Variants in CAPN3 observed in about 807,000 individuals in gnomAD.
The protein encoded by CAPN3 is calpain-3.
CAPN3 carries 88 observed loss-of-function variants against 114.0 expected under a neutral mutation model. The observed-to-expected ratio is 0.77, with a 90% CI of 0.65 to 0.92. CAPN3 has a LOEUF of 0.92. CAPN3 is among the 40% of genes least tolerant of loss of function. The pLI is 0.00. For synonymous variants in CAPN3, 386 were observed against 382.9 expected (o/e 1.01, Z -0.09); for missense variants, 1,028 against 1,069.0 (o/e 0.96, Z 0.53).
At chr15:42,410,016 T>C (rs749667250) in intron 19 of CAPN3, 21 bp downstream of exon 19, 20 of 1,610,000 alleles carry the variant, frequency 1.2e-5, no homozygotes, top group Non-Finnish European at 1.2e-5. Context: ...TGCCGCCCCT[T>C]CCCGACCCTC....
chr15:42,368,640 T>G (rs1486281449), intron 1 of CAPN3, among the ~76,000 whole-genome samples: 1 of 152,262 alleles, frequency 6.6e-6, no homozygotes, highest in Non-Finnish European at 1.5e-5. Context: ...AATGGTTCAG[T>G]ATTTACTAAT....
At chr15:42,405,794 G>T in intron 14 of CAPN3, 132 bp from the exon 15 acceptor site, 1 of 701,370 alleles carries the variant, frequency 1.4e-6, no homozygotes, top group South Asian at 1.7e-5. Flanking sequence ...GGCTCCATGT[G>T]ATTCAGATTT....
intron 5 of CAPN3, among the ~76,000 whole-genome samples, chr15:42,389,703 T>C (rs1423961613): frequency 6.6e-6 from 1 of 152,196 alleles, no homozygotes; most frequent in African/African-American, 2.4e-5. Flanking sequence ...GGGCTGAAGC[T>C]GAATTCCTGC....
chr15:42,381,181 A>G (rs1042629750), intron 1 of CAPN3, among the ~76,000 whole-genome samples: 9 of 152,086 alleles, frequency 5.9e-5, no homozygotes, highest in African/African-American at 1.9e-4. Context: ...TAAAATCAAG[A>G]TTTTATTTTA....
chr15:42,403,847 G>T (rs2053944875), intron 14 of CAPN3, 70 bp downstream of exon 14: 2 of 1,372,354 alleles, frequency 1.5e-6, no homozygotes. Flanking sequence ...GGGGACAGAT[G>T]GTGCAGGGGA....
At chr15:42,403,297 A>T (rs913699275) in intron 13 of CAPN3, among the ~76,000 whole-genome samples, 1 of 152,246 alleles carries the variant, frequency 6.6e-6, no homozygotes, top group Non-Finnish European at 1.5e-5. Flanking sequence ...GATAGGAAAA[A>T]CATATGTAGC....
At chr15:42,360,162 T>A in intron 1 of CAPN3, 48 bp downstream of exon 1, 3 of 1,609,146 alleles carry the variant, frequency 1.9e-6, no homozygotes, top group Non-Finnish European at 2.5e-6. Context: ...CACGGAGGAG[T>A]CCTCTCACTC....
intron 2 of CAPN3, chr15:42,385,904 T>C: frequency 1.5e-6 from 1 of 684,486 alleles, no homozygotes; most frequent in Non-Finnish European, 2.7e-6. Context: ...GAGTTTATAC[T>C]GCAGTTGGAG....
At chr15:42,411,194 C>T in intron 22 of CAPN3, 93 bp from the exon 23 acceptor site, 1 of 1,120,380 alleles carries the variant, frequency 8.9e-7, no homozygotes, top group Non-Finnish European at 1.4e-6. Context: ...TGATGAGGGA[C>T]AGCACTGGGC....
At chr15:42,360,895 C>G (rs889918878) in intron 1 of CAPN3, among the ~76,000 whole-genome samples, 2 of 152,136 alleles carry the variant, frequency 1.3e-5, no homozygotes, top group Admixed American at 1.3e-4. Flanking sequence ...GTTCTTAATT[C>G]GAGAAATATT....
intron 9 of CAPN3, among the ~76,000 whole-genome samples, chr15:42,397,636 C>CT (rs1225669650): frequency 6.1e-5 from 9 of 146,408 alleles, no homozygotes; most frequent in Non-Finnish European, 1.2e-4. Context: ...AAGAGAGACT[C>CT]TGTCTTGGAA....
intron 2 of CAPN3, 100 bp downstream of exon 2, chr15:42,384,652 C>T (rs1266419109): frequency 5.5e-6 from 5 of 913,418 alleles, no homozygotes; most frequent in Non-Finnish European, 7.3e-6. Context: ...GTGCTTGCTT[C>T]CAGTAACTTT....
chr15:42,402,650 A>G (rs1172901012), intron 12 of CAPN3, 144 bp from the exon 13 acceptor site: 1 of 1,540,858 alleles, frequency 6.5e-7, no homozygotes, highest in Non-Finnish European at 8.7e-7. Flanking sequence ...GAGGCTATTT[A>G]AGCCTTGGGA....
At chr15:42,385,545 G>C (rs1046466640) in intron 2 of CAPN3, 1 of 409,250 alleles carries the variant, frequency 2.4e-6, no homozygotes, top group African/African-American at 2.1e-5. Context: ...GAGAGAGAGA[G>C]AGAGAGAGAG....
intron 14 of CAPN3, 193 bp downstream of exon 14, chr15:42,403,970 G>A: frequency 1.5e-6 from 1 of 674,530 alleles, no homozygotes. Context: ...AGCACCGGGG[G>A]CCATTGAGGC....
Position 42,402,642 on chromosome 15 carries a change from G to C in CAPN3, c.1537-152G>C. 3 of 1,536,130 alleles carry C rather than the reference G, an allele frequency of 2.0e-6. No homozygotes were observed. In the South Asian group the frequency reaches 3.6e-5, roughly 18 times the overall value. On this transcript the variant is annotated intron_variant, in intron 12 of 23. Coordinates refer to ENST00000397163, the MANE Select transcript of CAPN3 (RefSeq NM_000070.3). The stretch of plus-strand genomic sequence containing the variant: ...AAAGGAAGAGGAAGTGAGGTAGGGA[G>C]GCTATTTAAGCCTTGGGAGTCGGAA...
At chr15:42,391,701 G>T (rs781504400) in intron 6 of CAPN3, among the ~76,000 whole-genome samples, 4 of 152,176 alleles carry the variant, frequency 2.6e-5, no homozygotes, top group Non-Finnish European at 5.9e-5. Context: ...ATCCCCCATG[G>T]CTGCAACTTG....
At chr15:42,393,689 A>G (rs1423893005) in intron 7 of CAPN3, among the ~76,000 whole-genome samples, 145 of 138,130 alleles carry the variant, frequency 1.0e-3, no homozygotes, top group Middle Eastern at 3.5e-3. Flanking sequence ...CGCCTCCTGG[A>G]TTCAAGCGAT....
rs1238879865 is a variant in CAPN3, at chr15:42,369,508, GA to G, written c.309+9404del. 4.1e-5 allele frequency among the ~76,000 whole-genome samples: 6 copies of G among 147,344 alleles called. No homozygotes were observed. The East Asian group carries it at 5.9e-4, about 15-fold the overall frequency. On this transcript the variant is annotated intron_variant, in intron 1 of 23. Transcript: ENST00000397163. Reference sequence around the variant, plus strand: ...CACAGTAAGACCATCTCAAAAAGAAGAAAAAAAAAAGAATGTGATCAGTATG... The same window carrying G: ...CACAGTAAGACCATCTCAAAAAGAAGAAAAAAAAAGAATGTGATCAGTATG...
Sources: gnomAD v4.1 joint callset for allele counts (sites outside exome capture counted in the v4.1 genomes callset) on GRCh38, gnomAD v4.1.1 for gene constraint, MANE v1.5 for transcripts, NCBI Gene and HGNC (gene_info 2026-07-23, HGNC 2026-07-21) for gene names.